ATP6V1B1: variants seen among roughly 807,000 people sequenced by gnomAD.
ATP6V1B1 encodes V-type proton ATPase subunit B, kidney isoform.
In ATP6V1B1, 41 loss-of-function variants were observed where a neutral mutation model predicts 62.1. The ratio of observed to expected loss-of-function variants is 0.66; its 90% CI spans 0.51 to 0.86. ATP6V1B1 has a LOEUF of 0.86. ATP6V1B1 is among the 40% of genes least tolerant of loss of function. The pLI is 0.00. For synonymous variants in ATP6V1B1, 253 were observed against 273.4 expected, an observed-to-expected ratio of 0.93 and a Z score of 0.74; for missense variants, 651 against 697.5, an observed-to-expected ratio of 0.93 and a Z score of 0.75.
intron 2 of ATP6V1B1, among the ~76,000 whole-genome samples, chr2:70,955,504 G>A (rs1271657778): frequency 6.6e-6 from 1 of 152,090 alleles, no homozygotes; most frequent in Non-Finnish European, 1.5e-5. Context: ...CCCAGCCCCT[G>A]AGCACCAACT....
chr2:70,949,195 G>A (rs544808256), intron 2 of ATP6V1B1, among the ~76,000 whole-genome samples: 1 of 151,934 alleles, frequency 6.6e-6, no homozygotes, highest in Admixed American at 6.6e-5. Flanking sequence ...GTTGACCTCG[G>A]GGTCAGTCCC....
At chr2:70,946,882 G>A (rs1680188283) in intron 2 of ATP6V1B1, among the ~76,000 whole-genome samples, 1 of 152,154 alleles carries the variant, frequency 6.6e-6, no homozygotes, top group Non-Finnish European at 1.5e-5. Context: ...CCCCAGACCT[G>A]TGGTTTTGCG....
intron 12 of ATP6V1B1, 74 bp from the exon 13 acceptor site, chr2:70,964,662 T>G: frequency 6.2e-7 from 1 of 1,612,684 alleles, no homozygotes; most frequent in Non-Finnish European, 8.5e-7. Flanking sequence ...GGGGTCCCAG[T>G]GTGGCCAGGT....
chr2:70,958,126 CA>C lies in ATP6V1B1; in HGVS notation c.256del (p.Thr86ProfsTer78). 1 of 1,614,062 alleles carries C rather than the reference CA, an allele frequency of 6.2e-7. No individual in the cohort carries two copies. The highest frequency in any genetic ancestry group is 8.5e-7 in the Non-Finnish European group (1 of 1,180,014). ...RSGQVLEVAG[T>X]KAIVQVFEGT... is the part of the protein sequence containing the mutation. ...GCGGGCAGGTGCTTGAGGTGGCTGG[CA>C]CCAAGGCGATTGTTCAGGTGAGTGG... On this transcript the variant is annotated frameshift_variant, in exon 3 of 14. Transcript: ENST00000234396. LOFTEE classifies it high-confidence loss of function.
At chr2:70,952,936 G>A (rs538651110) in intron 2 of ATP6V1B1, among the ~76,000 whole-genome samples, 6 of 152,192 alleles carry the variant, frequency 3.9e-5, no homozygotes, top group Admixed American at 6.6e-5. Flanking sequence ...TTTATGCATC[G>A]TATCATTGAA....
rs1680561640 is a variant in ATP6V1B1 at position 70,960,574 on chromosome 2, GAGGCCCAC to G, written c.586-344_586-337del. On this transcript the variant is annotated intron_variant, in intron 6 of 13. Transcript: ENST00000234396. ...TCCCAGCTCTGGACATGGTGTCTTG[GAGGCCCAC>G]AGACTACAGGCCCAGGGCAACTCTG... Among the ~76,000 whole-genome samples, 4 of 152,234 alleles carry G rather than the reference GAGGCCCAC, an allele frequency of 2.6e-5. No homozygotes were observed. In the South Asian group the frequency reaches 8.3e-4, roughly 32 times the overall value.
chr2:70,942,170 C>A, intron 1 of ATP6V1B1: 1 of 526,298 alleles, frequency 1.9e-6, no homozygotes, highest in Non-Finnish European at 2.9e-6. Flanking sequence ...GAAGGACCCA[C>A]TATGAAGGAA....
chr2:70,964,112 GTATTTTTTTT>G, intron 11 of ATP6V1B1: 6 of 156,548 alleles, frequency 3.8e-5, no homozygotes, highest in South Asian at 7.6e-5. Context: ...TGCTTGGCAG[GTATTTTTTTT>G]TTTTTTTTTT....
At chr2:70,941,848 C>G in intron 1 of ATP6V1B1, 1 of 985,966 alleles carries the variant, frequency 1.0e-6, no homozygotes, top group Non-Finnish European at 1.2e-6. Flanking sequence ...GGCTGACAGG[C>G]GGCCCCAGAG....
chr2:70,964,112 G>GTTTTTTTTTTTT (rs1330555546), intron 11 of ATP6V1B1: 129 of 158,250 alleles, frequency 8.2e-4, no homozygotes, highest in African/African-American at 5.5e-3. Context: ...TGCTTGGCAG[G>GTTTTTTTTTTTT]TATTTTTTTT....
chr2:70,943,419 C>T, intron 1 of ATP6V1B1: 1 of 658,120 alleles, frequency 1.5e-6, no homozygotes, highest in Non-Finnish European at 2.8e-6. Context: ...GAGGAGGCCT[C>T]TGCCCTCTGC....
chr2:70,943,411 G>A (rs61388622), intron 1 of ATP6V1B1: 2 of 643,954 alleles, frequency 3.1e-6, no homozygotes, highest in Non-Finnish European at 5.7e-6. Flanking sequence ...CGGACTCTGA[G>A]GAGGCCTCTG....
At chr2:70,940,430 A>G (rs72832771) in intron 1 of ATP6V1B1, 73,720 of 984,108 alleles carry the variant, frequency 0.075, 2,967 homozygotes, top group South Asian at 0.089. Context: ...TGTGGCATGC[A>G]AGATGCCAGC....
intron 7 of ATP6V1B1, among the ~76,000 whole-genome samples, chr2:70,961,264 A>G (rs1553420059): frequency 2.0e-5 from 3 of 152,188 alleles, no homozygotes; most frequent in African/African-American, 7.2e-5. Context: ...GGGGGAAAAA[A>G]GATAGCTTCA....
chr2:70,953,850 A>C (rs1289097314), intron 2 of ATP6V1B1, among the ~76,000 whole-genome samples: 3 of 152,182 alleles, frequency 2.0e-5, no homozygotes, highest in Non-Finnish European at 4.4e-5. Flanking sequence ...TTTCAGGATT[A>C]TTCTGGCTTT....
chr2:70,940,774 T>C, intron 1 of ATP6V1B1: 2 of 985,486 alleles, frequency 2.0e-6, no homozygotes, highest in Non-Finnish European at 2.4e-6. Flanking sequence ...GTTTGGAGGC[T>C]TGGGAAGGTC....
intron 8 of ATP6V1B1, 55 bp downstream of exon 8, chr2:70,961,748 C>A: frequency 6.5e-7 from 1 of 1,538,930 alleles, no homozygotes; most frequent in Non-Finnish European, 9.0e-7. Context: ...CCGTCCCCTT[C>A]CAAGACCTAC....
At chr2:70,962,128 A>G (rs1174313926) in intron 8 of ATP6V1B1, among the ~76,000 whole-genome samples, 1 of 152,200 alleles carries the variant, frequency 6.6e-6, no homozygotes, top group Non-Finnish European at 1.5e-5. Context: ...AGATAATAGA[A>G]TTCTGGAGGT....
At chr2:70,960,829 C>A (rs1680567110) in intron 6 of ATP6V1B1, 92 bp from the exon 7 acceptor site, 7 of 987,752 alleles carry the variant, frequency 7.1e-6, no homozygotes, top group Non-Finnish European at 1.0e-5. Context: ...GGCTTGGATC[C>A]CTCCCACCAA....
Sources: gnomAD v4.1 joint callset for allele counts (sites outside exome capture counted in the v4.1 genomes callset) on GRCh38, gnomAD v4.1.1 for gene constraint, MANE v1.5 for transcripts, NCBI Gene and HGNC (gene_info 2026-07-23, HGNC 2026-07-21) for gene names.